NRXN1: variants seen among roughly 807,000 people sequenced by gnomAD.
NRXN1 encodes the protein neurexin-1.
A neutral mutation model predicts 150.9 loss-of-function variants in NRXN1; 39 were observed. The ratio of observed to expected loss-of-function variants is 0.26; its 90% confidence interval spans 0.20 to 0.34. The LOEUF is 0.34. Among genes scored for constraint, NRXN1 ranks in the 10% least tolerant of loss-of-function variants. The probability of loss-of-function intolerance (pLI) is 1.00; values close to 1 mark genes in which losing one functional copy is unlikely to be tolerated. For synonymous variants in NRXN1, 924 were observed against 757.0 expected, an observed-to-expected ratio of 1.22 and a Z score of -3.62; for missense variants, 1,815 against 1,949.9, an observed-to-expected ratio of 0.93 and a Z score of 1.30.
intron 17 of NRXN1, among the ~76,000 whole-genome samples, chr2:50,344,312 G>A (rs2077767145): frequency 6.6e-6 from 1 of 152,124 alleles, no homozygotes; most frequent in African/African-American, 2.4e-5. Context: ...GAGAAAGGAT[G>A]AAGTATGAGA....
chr2:50,123,097 C>T (rs1165909194), intron 18 of NRXN1, among the ~76,000 whole-genome samples: 1 of 152,048 alleles, frequency 6.6e-6, no homozygotes, highest in Non-Finnish European at 1.5e-5. Flanking sequence ...TTTGATATGC[C>T]AGGCACTTTT....
At chr2:51,005,955 G>T (rs1700663738) in intron 2 of NRXN1, among the ~76,000 whole-genome samples, 1 of 151,500 alleles carries the variant, frequency 6.6e-6, no homozygotes, top group South Asian at 2.1e-4. Flanking sequence ...GATATTTCAG[G>T]CAAATAAAAA....
At chr2:50,165,591 C>T (rs1347263265) in intron 18 of NRXN1, among the ~76,000 whole-genome samples, 1 of 152,124 alleles carries the variant, frequency 6.6e-6, no homozygotes, top group East Asian at 1.9e-4. Context: ...TCAGGTGATA[C>T]ACCCACCTCA....
chr2:50,919,018 G>A (rs1314252628), intron 5 of NRXN1: 1 of 151,754 alleles, frequency 6.6e-6, no homozygotes, highest in Non-Finnish European at 1.5e-5. Flanking sequence ...GTTTAGGAAT[G>A]TAAAAAACAC....
At chr2:50,737,550 C>T (rs765255932) in intron 5 of NRXN1, among the ~76,000 whole-genome samples, 1 of 152,058 alleles carries the variant, frequency 6.6e-6, no homozygotes, top group African/African-American at 2.4e-5. Context: ...TTTCAAAGTC[C>T]GTGACCTCTA....
chr2:49,990,031 G>T (rs1681647630), intron 21 of NRXN1, among the ~76,000 whole-genome samples: 1 of 151,784 alleles, frequency 6.6e-6, no homozygotes, highest in Non-Finnish European at 1.5e-5. Flanking sequence ...CTCACTTACG[G>T]ATTAGATCAG....
At chr2:50,840,365 GA>G (rs1672692897) in intron 5 of NRXN1, among the ~76,000 whole-genome samples, 1 of 152,086 alleles carries the variant, frequency 6.6e-6, no homozygotes, top group South Asian at 2.1e-4. Flanking sequence ...ATACACTTAT[GA>G]TTAACATCAA....
chr2:50,467,327 CT>C (rs1221547895), intron 16 of NRXN1, among the ~76,000 whole-genome samples: 1 of 151,446 alleles, frequency 6.6e-6, no homozygotes, highest in Non-Finnish European at 1.5e-5. Flanking sequence ...ACCTAAATAG[CT>C]TTAGAGTATA....
intron 5 of NRXN1, among the ~76,000 whole-genome samples, chr2:50,654,588 C>A (rs1573981987): frequency 2.6e-5 from 4 of 151,976 alleles, no homozygotes; most frequent in African/African-American, 7.2e-5. Context: ...AGTTCTAGAT[C>A]CCTGAGGAAT....
At chr2:50,956,795 T>A (rs1000497125) in intron 2 of NRXN1, among the ~76,000 whole-genome samples, 1 of 152,070 alleles carries the variant, frequency 6.6e-6, no homozygotes, top group African/African-American at 2.4e-5. Context: ...GCTTAATCAT[T>A]ATTTCGTTTA....
intron 17 of NRXN1, among the ~76,000 whole-genome samples, chr2:50,290,107 A>C (rs2072725994): frequency 1.3e-5 from 2 of 152,182 alleles, no homozygotes; most frequent in South Asian, 4.1e-4. Flanking sequence ...TCTACTTCAG[A>C]CACATGATGA....
rs115165278 is a variant in NRXN1, at chr2:49,960,352, G to A, written c.4129-16561C>T. Among the ~76,000 whole-genome samples the A allele has an allele frequency of 4.2e-3, 635 of 152,164 alleles. 5 individuals are homozygous for A. Among genetic ancestry groups the A allele is most frequent in the South Asian group, 0.03 (144 of 4,822 alleles). ...ATTTATTTATTTATGCAAATGTAGA[G>A]ATCTAGTCATTCATATCTGCTCTTA... On this transcript the variant is annotated intron_variant, in intron 21 of 22. Coordinates refer to ENST00000401669, the MANE Select transcript of NRXN1 (RefSeq NM_001330078.2).
At chr2:50,022,211 T>G (rs185550357) in intron 21 of NRXN1, among the ~76,000 whole-genome samples, 9 of 152,170 alleles carry the variant, frequency 5.9e-5, no homozygotes, top group Non-Finnish European at 1.0e-4. Flanking sequence ...CTCAATCTCC[T>G]GACCTCATGA....
intron 5 of NRXN1, among the ~76,000 whole-genome samples, chr2:50,672,589 A>G (rs2104737660): frequency 6.6e-6 from 1 of 151,956 alleles, no homozygotes; most frequent in East Asian, 1.9e-4. Flanking sequence ...ATGGTCCTCC[A>G]CCCCCATTTC....
At chr2:50,428,652 C>T (rs1448910326) in intron 17 of NRXN1, among the ~76,000 whole-genome samples, 1 of 152,104 alleles carries the variant, frequency 6.6e-6, no homozygotes, top group Non-Finnish European at 1.5e-5. Flanking sequence ...AAGAGATTAG[C>T]TTTGCTAACT....
At chr2:50,541,635 G>A (rs1454959259) in intron 9 of NRXN1, among the ~76,000 whole-genome samples, 1 of 151,794 alleles carries the variant, frequency 6.6e-6, no homozygotes, top group Non-Finnish European at 1.5e-5. Context: ...TGAGTTTTCT[G>A]AACACGGTCA....
chr2:50,267,622 C>T (rs1021626147), intron 17 of NRXN1, among the ~76,000 whole-genome samples: 2 of 151,970 alleles, frequency 1.3e-5, no homozygotes, highest in Non-Finnish European at 2.9e-5. Context: ...ATCTGACATT[C>T]GATTTATAAC....
chr2:49,939,361 T>C (rs1426195270), intron 22 of NRXN1, among the ~76,000 whole-genome samples: 2 of 152,342 alleles, frequency 1.3e-5, no homozygotes, highest in East Asian at 1.9e-4. Flanking sequence ...GTAACATTGT[T>C]ACCAATAGCT....
intron 5 of NRXN1, among the ~76,000 whole-genome samples, chr2:50,866,794 C>T (rs1199170714): frequency 6.6e-6 from 1 of 151,798 alleles, no homozygotes; most frequent in Admixed American, 6.6e-5. Context: ...TGGAGAATTC[C>T]AACCAGCTAC....
Sources: gnomAD v4.1 joint callset for allele counts (sites outside exome capture counted in the v4.1 genomes callset) on GRCh38, gnomAD v4.1.1 for gene constraint, MANE v1.5 for transcripts, NCBI Gene and HGNC (gene_info 2026-07-23, HGNC 2026-07-21) for gene names.